Variants in BPI observed in about 807,000 individuals in gnomAD.
BPI encodes the protein bactericidal permeability increasing protein.
A neutral mutation model predicts 57.6 loss-of-function variants in BPI; 48 were observed. The ratio of observed to expected loss-of-function variants is 0.83; its 90% CI spans 0.66 to 1.06. The LOEUF (loss-of-function observed/expected upper bound fraction) is 1.06, where lower values mean the gene tolerates loss of function less well. BPI is among the 50% of genes least tolerant of loss of function. The pLI is 0.00. For synonymous variants in BPI, 237 were observed against 238.2 expected, an observed-to-expected ratio of 0.99 and a Z score of 0.05; for missense variants, 651 against 609.7, an observed-to-expected ratio of 1.07 and a Z score of -0.71.
At chr20:38,305,966 G>A (rs2076594776) in intron 1 of BPI, among the ~76,000 whole-genome samples, 1 of 152,132 alleles carries the variant, frequency 6.6e-6, no homozygotes, top group Non-Finnish European at 1.5e-5. Context: ...CTTTGATGCT[G>A]TTAGCCACAT....
At chr20:38,308,076 T>C (rs542766864) in intron 2 of BPI, among the ~76,000 whole-genome samples, 1 of 152,272 alleles carries the variant, frequency 6.6e-6, no homozygotes, top group South Asian at 2.1e-4. Context: ...TCTTGCCACC[T>C]CTCAGCATCA....
At chr20:38,329,040 G>T (rs1027514853) in intron 11 of BPI, among the ~76,000 whole-genome samples, 1 of 140,124 alleles carries the variant, frequency 7.1e-6, no homozygotes, top group Non-Finnish European at 1.5e-5. Context: ...TAAACAAATA[G>T]ATTTTTAAAA....
At chr20:38,334,131 AT>A (rs1450850627) in intron 12 of BPI, among the ~76,000 whole-genome samples, 1 of 152,182 alleles carries the variant, frequency 6.6e-6, no homozygotes, top group East Asian at 1.9e-4. Context: ...TCCCATTTAA[AT>A]ACTCTCTGAT....
At chr20:38,306,055 C>T (rs138489062) in intron 1 of BPI, among the ~76,000 whole-genome samples, 6 of 151,904 alleles carry the variant, frequency 3.9e-5, no homozygotes, top group African/African-American at 7.3e-5. Context: ...GTTTTGAGAC[C>T]GAGTCTCGCT....
chr20:38,306,483 A>C (rs2076597313), intron 1 of BPI, among the ~76,000 whole-genome samples: 1 of 152,240 alleles, frequency 6.6e-6, no homozygotes, highest in Admixed American at 6.5e-5. Flanking sequence ...GAATAAATGC[A>C]TAATTACAAA....
chr20:38,335,466 C>T, intron 13 of BPI, 132 bp from the exon 14 acceptor site: 1 of 783,706 alleles, frequency 1.3e-6, no homozygotes, highest in Non-Finnish European at 2.2e-6. Context: ...GGCATGTATG[C>T]CCATGCCAGT....
intron 5 of BPI, 137 bp downstream of exon 5, chr20:38,312,074 CA>C: frequency 2.4e-6 from 2 of 833,170 alleles, no homozygotes; most frequent in Non-Finnish European, 3.9e-6. Context: ...ACCACAACCC[CA>C]GCTCTAAAAT....
intron 5 of BPI, 98 bp from the exon 6 acceptor site, chr20:38,318,315 A>G (rs1439658179): frequency 7.4e-7 from 1 of 1,360,186 alleles, no homozygotes; most frequent in African/African-American, 1.4e-5. Flanking sequence ...TTTTCAAGAA[A>G]ACATTCAAGG....
chr20:38,321,479 G>A lies in BPI; in HGVS notation c.756+1205G>A, dbSNP rs554894545. 4.6e-5 allele frequency among the ~76,000 whole-genome samples: 7 copies of A among 151,942 alleles called. No homozygotes were observed. In the South Asian group the frequency reaches 8.3e-4, roughly 18 times the overall value. ...CCTTCCCAATGCCCACCTCTACCCCGCTGGCTTCTTATAGTACCATGTGGA... is the reference window on the plus strand; with the variant it reads ...CCTTCCCAATGCCCACCTCTACCCCACTGGCTTCTTATAGTACCATGTGGA... On this transcript the variant is annotated intron_variant, in intron 7 of 14. Transcript: ENST00000642449.
chr20:38,325,064 A>G (rs911153144), intron 9 of BPI, among the ~76,000 whole-genome samples: 2 of 152,222 alleles, frequency 1.3e-5, no homozygotes, highest in African/African-American at 4.8e-5. Flanking sequence ...AGGGTCTTTC[A>G]TGCAATAAAT....
Position 38,337,176 on chromosome 20 carries a change from T to G in BPI, c.1444T>G (p.Tyr482Asp). ...NFLLFGADVV[Y>D]K is the part of the protein sequence containing the mutation. Reference sequence around the variant, plus strand: ...CCTGCTGTTCGGTGCAGACGTTGTCTATAAATGAAGGCACCAGGGGTGCCG... The same window carrying G: ...CCTGCTGTTCGGTGCAGACGTTGTCGATAAATGAAGGCACCAGGGGTGCCG... The change falls in exon 15 of 15, where the codon TAT becomes GAT. Residue 482 changes from tyrosine to aspartate, a missense_variant. By Grantham distance (160) the Tyr-to-Asp change is radical (BLOSUM62 -3). Transcript: ENST00000642449. 6.3e-7 allele frequency: 1 copy of G among 1,590,880 alleles called. No individual in the cohort carries two copies. Among genetic ancestry groups the G allele is most frequent in the Non-Finnish European group, 8.5e-7 (1 of 1,170,608 alleles).
chr20:38,322,483 A>G (rs1354015038), intron 7 of BPI, among the ~76,000 whole-genome samples: 2 of 152,240 alleles, frequency 1.3e-5, no homozygotes, highest in African/African-American at 4.8e-5. Context: ...GCACTCACAT[A>G]AATGCATAAG....
At chr20:38,330,219 C>G (rs1042293188) in intron 11 of BPI, among the ~76,000 whole-genome samples, 1 of 152,116 alleles carries the variant, frequency 6.6e-6, no homozygotes, top group Admixed American at 6.5e-5. Flanking sequence ...TACACTCTAG[C>G]CTGAGCTAGT....
At chr20:38,314,165 G>T (rs2076637296) in intron 5 of BPI, among the ~76,000 whole-genome samples, 1 of 93,790 alleles carries the variant, frequency 1.1e-5, no homozygotes, top group Non-Finnish European at 2.4e-5. Flanking sequence ...GGATGGTGAT[G>T]GTGGGGATGA....
intron 11 of BPI, 60 bp from the exon 12 acceptor site, chr20:38,330,988 C>G (rs963611480): frequency 3.8e-6 from 6 of 1,585,982 alleles, no homozygotes; most frequent in Non-Finnish European, 5.2e-6. Context: ...TCTCTAGAGA[C>G]TGGGTTCTCA....
At chr20:38,327,004 C>T (rs1478393684) in intron 10 of BPI, among the ~76,000 whole-genome samples, 1 of 152,066 alleles carries the variant, frequency 6.6e-6, no homozygotes, top group Non-Finnish European at 1.5e-5. Context: ...CTTCATTTGC[C>T]TCAGTTTTCA....
In BPI at chr20:38,318,413, G is replaced by A. The variant is rs757561111; in HGVS notation, c.601G>A (p.Val201Ile). 3 of 1,613,138 alleles carry A rather than the reference G, an allele frequency of 1.9e-6. No individual in the cohort carries two copies. Among genetic ancestry groups the A allele is most frequent in the Admixed American group, 1.7e-5 (1 of 60,018 alleles). Residue 201 changes from valine to isoleucine, a missense_variant and splice_region_variant, in exon 6 of 15, where the codon GTC (valine) becomes ATC (isoleucine). By Grantham distance (29) the Val-to-Ile change is conservative (BLOSUM62 3). Transcript: ENST00000642449. The stretch of plus-strand genomic sequence containing the variant: ...TGATTACTTGTTTGGTTCTCCCCAG[G>A]TCTGCGAGAAAGTGACCAATTCTGT... ...SALRNKMNSQ[V>I]CEKVTNSVSS...
chr20:38,311,936 A>G lies in BPI; in HGVS notation c.599A>G (p.Gln200Arg). ...GCGCTTCGAAACAAGATGAACAGCC[A>G]GGTAGGAGGGGCTCAGAGCCCCATC... Reference protein sequence around the residue: ...ESALRNKMNSQVCEKVTNSVS... With the variant: ...ESALRNKMNSRVCEKVTNSVS... The change falls in exon 5 of 15, where the codon CAG becomes CGG. Residue 200 changes from glutamine (Q) to arginine (R), a missense_variant and splice_region_variant. By Grantham distance (43) the Gln-to-Arg change is conservative. Coordinates refer to ENST00000642449, the MANE Select transcript of BPI (RefSeq NM_001725.3). 1 of 1,613,932 alleles carries G rather than the reference A, an allele frequency of 6.2e-7. No individual in the cohort carries two copies. Among genetic ancestry groups the G allele is most frequent in the Non-Finnish European group, 8.5e-7 (1 of 1,179,958 alleles).
rs2076663737 is a variant in BPI at position 38,318,450 on chromosome 20, T to C, written c.638T>C (p.Leu213Pro). Residue 213 changes from leucine (L) to proline (P), a missense_variant, in exon 6 of 15, where the codon CTG becomes CCG. Coordinates refer to ENST00000642449, the MANE Select transcript of BPI (RefSeq NM_001725.3). Reference sequence around the variant, plus strand: ...GTGACCAATTCTGTATCCTCCGAGCTGCAACCTTATTTCCAGACTCTGCCA... The same window carrying C: ...GTGACCAATTCTGTATCCTCCGAGCCGCAACCTTATTTCCAGACTCTGCCA... ...EKVTNSVSSE[L>P]QPYFQTLPVM... is the part of the protein sequence containing the mutation. 6 of 1,613,750 alleles carry C rather than the reference T, an allele frequency of 3.7e-6. No individual in the cohort carries two copies. The highest frequency in any genetic ancestry group is 4.2e-6 in the Non-Finnish European group (5 of 1,179,762).
Sources: allele counts gnomAD v4.1 joint callset (sites outside exome capture counted in the v4.1 genomes callset), GRCh38; gene constraint gnomAD v4.1.1; transcripts MANE v1.5; gene names NCBI Gene and HGNC (gene_info 2026-07-23, HGNC 2026-07-21).